Variants in SAMTOR observed in about 807,000 individuals in gnomAD.
SAMTOR encodes the protein UPF0532 protein C7orf60.
chr7:112,889,556 T>C, the SAMTOR span, among the ~76,000 whole-genome samples: 3 of 152,186 alleles, frequency 2.0e-5, no homozygotes, highest in African/African-American at 7.2e-5. Flanking sequence ...TCAGAGTTTT[T>C]AGAATGAACA....
the SAMTOR span, among the ~76,000 whole-genome samples, chr7:112,871,450 A>C: frequency 6.6e-6 from 1 of 152,058 alleles, no homozygotes; most frequent in Admixed American, 6.5e-5. Flanking sequence ...TTAAGGCATA[A>C]ATCAAAAACT....
chr7:112,869,952 G>C, the SAMTOR span, among the ~76,000 whole-genome samples: 1 of 152,112 alleles, frequency 6.6e-6, no homozygotes, highest in African/African-American at 2.4e-5. Flanking sequence ...CAAAGCAGAA[G>C]AAAGAATTTC....
At chr7:112,842,940 T>TA in the SAMTOR span, among the ~76,000 whole-genome samples, 2 of 151,982 alleles carry the variant, frequency 1.3e-5, no homozygotes, top group African/African-American at 4.8e-5. Context: ...ATTAAATTAT[T>TA]AAAAAACTAA....
At chr7:112,927,347 A>G in the SAMTOR span, among the ~76,000 whole-genome samples, 1 of 152,102 alleles carries the variant, frequency 6.6e-6, no homozygotes, top group Non-Finnish European at 1.5e-5. Context: ...CATTATTAAA[A>G]GGTAAATCAG....
At chr7:112,857,513 A>G in the SAMTOR span, among the ~76,000 whole-genome samples, 2 of 152,268 alleles carry the variant, frequency 1.3e-5, no homozygotes, top group Non-Finnish European at 2.9e-5. Context: ...AATCTATATT[A>G]GAAATCACAA....
At chr7:112,898,057 C>T in the SAMTOR span, among the ~76,000 whole-genome samples, 1 of 152,196 alleles carries the variant, frequency 6.6e-6, no homozygotes, top group South Asian at 2.1e-4. Flanking sequence ...TGCCCTGTCA[C>T]AGTGGAACAC....
At chr7:112,837,247 T>C in the SAMTOR span, among the ~76,000 whole-genome samples, 1 of 152,016 alleles carries the variant, frequency 6.6e-6, no homozygotes, top group African/African-American at 2.4e-5. Flanking sequence ...TGAATGTTCT[T>C]GATGTATAGG....
At chr7:112,883,359 C>T in the SAMTOR span, among the ~76,000 whole-genome samples, 1 of 152,146 alleles carries the variant, frequency 6.6e-6, no homozygotes, top group Non-Finnish European at 1.5e-5. Flanking sequence ...GTGTTAAAGC[C>T]CCTCCTTCAA....
chr7:112,871,970 T>C, the SAMTOR span, among the ~76,000 whole-genome samples: 1 of 152,166 alleles, frequency 6.6e-6, no homozygotes, highest in Non-Finnish European at 1.5e-5. Flanking sequence ...AAGAGACCAA[T>C]GTGTTCCGAA....
chr7:112,884,425 T>C, the SAMTOR span, among the ~76,000 whole-genome samples: 1 of 152,098 alleles, frequency 6.6e-6, no homozygotes, highest in Non-Finnish European at 1.5e-5. Flanking sequence ...GCTTGTAAAA[T>C]AAATGCAAGT....
At chr7:112,850,569 C>CA in the SAMTOR span, among the ~76,000 whole-genome samples, 27 of 152,228 alleles carry the variant, frequency 1.8e-4, no homozygotes, top group East Asian at 5.0e-3. Flanking sequence ...ACTACTGATT[C>CA]AATTTCACTA....
At chr7:112,935,281 A>G in the SAMTOR span, 1 of 423,256 alleles carries the variant, frequency 2.4e-6, no homozygotes, top group South Asian at 1.8e-5. Flanking sequence ...AAAAAAAATA[A>G]GAAAAGTTCA....
At chr7:112,867,210 T>C in the SAMTOR span, among the ~76,000 whole-genome samples, 1 of 152,214 alleles carries the variant, frequency 6.6e-6, no homozygotes, top group Non-Finnish European at 1.5e-5. Flanking sequence ...CTTAATACAA[T>C]TGAGACAAAG....
At chr7:112,916,409 G>C in the SAMTOR span, among the ~76,000 whole-genome samples, 2 of 152,188 alleles carry the variant, frequency 1.3e-5, no homozygotes, top group African/African-American at 4.8e-5. Flanking sequence ...AGGAAATGTA[G>C]GCCATTAATT....
chr7:112,847,765 T>C, the SAMTOR span, among the ~76,000 whole-genome samples: 59,009 of 151,548 alleles, frequency 0.39, 14,664 homozygotes, highest in African/African-American at 0.71. Flanking sequence ...GGAACAAGAG[T>C]GAAACTCTGT....
chr7:112,870,611 C>G, the SAMTOR span, among the ~76,000 whole-genome samples: 1 of 151,972 alleles, frequency 6.6e-6, no homozygotes, highest in Non-Finnish European at 1.5e-5. Context: ...GCTCACAGAT[C>G]CTATAAAGCA....
chr7:112,895,599 A>C, the SAMTOR span: 1 of 1,576,376 alleles, frequency 6.3e-7, no homozygotes, highest in Non-Finnish European at 8.7e-7. Context: ...TGTAAAGCTG[A>C]GGTTGGTTAA....
the SAMTOR span, among the ~76,000 whole-genome samples, chr7:112,902,437 AAC>A: frequency 2.7e-3 from 195 of 71,340 alleles, 9 homozygotes; most frequent in Middle Eastern, 0.022. Context: ...AACAAAAAAA[AAC>A]AAAAAAAAAC....
chr7:112,860,168 C>T, the SAMTOR span, among the ~76,000 whole-genome samples: 2 of 152,110 alleles, frequency 1.3e-5, no homozygotes, highest in Non-Finnish European at 2.9e-5. Flanking sequence ...AGGTTTGTAG[C>T]CTAGGAGCAA....
Sources: gnomAD v4.1 joint callset for allele counts (sites outside exome capture counted in the v4.1 genomes callset) on GRCh38, gnomAD v4.1.1 for gene constraint, MANE v1.5 for transcripts, NCBI Gene and HGNC (gene_info 2026-07-23, HGNC 2026-07-21) for gene names.